GAN: variants seen among roughly 807,000 people sequenced by gnomAD.
GAN encodes the protein gigaxonin, also known as epididymis secretory sperm binding protein.
GAN carries 48 observed loss-of-function variants against 71.3 expected under a neutral mutation model. The ratio of observed to expected loss-of-function variants is 0.67; its 90% CI spans 0.53 to 0.86. The LOEUF is 0.86. Among genes scored for constraint, GAN ranks in the 40% least tolerant of loss-of-function variants. The pLI is 0.00. For missense variants in GAN, 928 were observed against 770.1 expected (o/e 1.21, Z -2.43); for synonymous variants, 386 against 276.8 (o/e 1.39, Z -3.92).
chr16:81,339,232 C>A (rs1262413863), intron 1 of GAN, among the ~76,000 whole-genome samples: 1 of 152,194 alleles, frequency 6.6e-6, no homozygotes, highest in Non-Finnish European at 1.5e-5. Flanking sequence ...TGCCAACCTT[C>A]TGAATCAGAA....
chr16:81,331,351 G>A (rs1027541675), intron 1 of GAN, among the ~76,000 whole-genome samples: 1 of 152,252 alleles, frequency 6.6e-6, no homozygotes, highest in Non-Finnish European at 1.5e-5. Flanking sequence ...GATGGGACTA[G>A]ATTGGATCCT....
rs1474236271 is a variant in GAN at position 81,379,110 on chromosome 16, T to C, written c.*1514T>C. The C allele has an allele frequency of 6.6e-6, 1 of 152,180 alleles. No individual in the cohort carries two copies. The highest frequency in any genetic ancestry group is 1.5e-5 in the Non-Finnish European group (1 of 68,038). 9.4% of individuals were successfully genotyped at this position (152,180 alleles called of 1,614,324 possible). A position where few individuals can be genotyped will look rare whatever the true frequency, so the allele number is the denominator to read the frequency against. ...TGTCTTATTAACACATGTATAAAGG[T>C]ATCCTTTGGTTTTAAGTCGAGAACA... On this transcript the variant is annotated 3_prime_UTR_variant, in exon 11 of 11. Coordinates refer to ENST00000648994, the MANE Select transcript of GAN (RefSeq NM_022041.4).
chr16:81,371,635 A>G (rs1014254481), intron 9 of GAN, among the ~76,000 whole-genome samples: 4 of 151,808 alleles, frequency 2.6e-5, no homozygotes, highest in African/African-American at 9.7e-5. Flanking sequence ...GTGCTTCTCT[A>G]CCTCTCCTCT....
chr16:81,361,200 G>A lies in GAN; in HGVS notation c.974-1299G>A, dbSNP rs111659534. ...TGATTGCACCACTGCCCTCCAGCCT[G>A]GGCGACAGAGCAAGACTGTCTTTAA... On this transcript the variant is annotated intron_variant, in intron 5 of 10. Coordinates refer to ENST00000648994, the MANE Select transcript of GAN (RefSeq NM_022041.4). 3.3e-5 allele frequency among the ~76,000 whole-genome samples: 5 copies of A among 152,144 alleles called. 1 individual carries two copies. The highest frequency in any genetic ancestry group is 1.2e-4 in the African/African-American group (5 of 41,472).
chr16:81,376,465 A>ATGTC (rs1555512671), intron 9 of GAN, among the ~76,000 whole-genome samples: 20 of 127,166 alleles, frequency 1.6e-4, no homozygotes, highest in Middle Eastern at 7.9e-3. Flanking sequence ...ATACATACAT[A>ATGTC]TGTGTGTGTG....
intron 9 of GAN, among the ~76,000 whole-genome samples, chr16:81,373,723 G>A (rs1904274511): frequency 6.6e-6 from 1 of 152,078 alleles, no homozygotes; most frequent in Non-Finnish European, 1.5e-5. Flanking sequence ...TGTTTGCTTA[G>A]ACTCCTTTAA....
At chr16:81,328,631 C>A (rs1909467862) in intron 1 of GAN, among the ~76,000 whole-genome samples, 1 of 144,850 alleles carries the variant, frequency 6.9e-6, no homozygotes. Context: ...ATATAAAGAC[C>A]CTACCAGTGT....
At chr16:81,336,831 A>C (rs1909778771) in intron 1 of GAN, among the ~76,000 whole-genome samples, 1 of 152,070 alleles carries the variant, frequency 6.6e-6, no homozygotes, top group Non-Finnish European at 1.5e-5. Flanking sequence ...GGAAAGTACA[A>C]ATATATCCCC....
intron 1 of GAN, among the ~76,000 whole-genome samples, chr16:81,319,889 A>G (rs1261133990): frequency 1.3e-5 from 2 of 152,184 alleles, no homozygotes; most frequent in Non-Finnish European, 2.9e-5. Flanking sequence ...ATGTAGCTCT[A>G]TGCTATTTTT....
intron 3 of GAN, among the ~76,000 whole-genome samples, chr16:81,356,481 T>C (rs916835118): frequency 3.3e-5 from 5 of 152,220 alleles, no homozygotes; most frequent in African/African-American, 4.8e-5. Context: ...GCTGGTTCTT[T>C]TCCTGTCTTT....
intron 5 of GAN, among the ~76,000 whole-genome samples, chr16:81,359,961 A>T (rs1910617502): frequency 6.6e-6 from 1 of 152,138 alleles, no homozygotes; most frequent in Non-Finnish European, 1.5e-5. Flanking sequence ...AGAAACCAAA[A>T]CTTCAGATAA....
At chr16:81,367,593 T>C (rs1181303442) in intron 9 of GAN, among the ~76,000 whole-genome samples, 1 of 152,234 alleles carries the variant, frequency 6.6e-6, no homozygotes, top group East Asian at 1.9e-4. Context: ...CTAAGCTCTC[T>C]GATGTTTGTA....
At chr16:81,362,655 C>A in intron 6 of GAN, 44 bp downstream of exon 6, 1 of 1,000,858 alleles carries the variant, frequency 1.0e-6, no homozygotes. Flanking sequence ...TTTCTCTTTC[C>A]CCTTAGCGCT....
rs1411549619 is a variant in GAN at position 81,378,267 on chromosome 16, GC to G, written c.*674del. The G allele has an allele frequency of 2.6e-5, 4 of 154,814 alleles. No individual in the cohort carries two copies. The highest frequency in any genetic ancestry group is 9.7e-5 in the African/African-American group (4 of 41,446). 9.6% of individuals were successfully genotyped at this position (154,814 alleles called of 1,614,324 possible). On this transcript the variant is annotated 3_prime_UTR_variant, in exon 11 of 11. Transcript: ENST00000648994. The stretch of plus-strand genomic sequence containing the variant: ...CAGTAAATTGATGAGTCAGGTTGCA[GC>G]CCTCATGTGAACTGAAAGAAGTTGC...
At chr16:81,348,535 GTGAAGA>G (rs1299873834) in intron 1 of GAN, among the ~76,000 whole-genome samples, 11 of 152,300 alleles carry the variant, frequency 7.2e-5, no homozygotes, top group African/African-American at 2.4e-4. Flanking sequence ...TTGCAAGTAT[GTGAAGA>G]TACTGATGGT....
chr16:81,355,113 G>C (rs1486910270), intron 3 of GAN, among the ~76,000 whole-genome samples: 1 of 152,174 alleles, frequency 6.6e-6, no homozygotes, highest in Non-Finnish European at 1.5e-5. Flanking sequence ...GCTAACCTCT[G>C]CCAGGCCTCA....
rs1489076555 is a variant in GAN at position 81,382,550 on chromosome 16, A to G, written c.*4954A>G. The G allele has an allele frequency of 1.3e-5, 2 of 152,248 alleles. No individual in the cohort carries two copies. Among genetic ancestry groups the G allele is most frequent in the Non-Finnish European group, 2.9e-5 (2 of 68,050 alleles). The allele number at this position is 152,248 out of a possible 1,614,324, so 9.4% of individuals were successfully genotyped here. On this transcript the variant is annotated 3_prime_UTR_variant, in exon 11 of 11. Coordinates refer to ENST00000648994, the MANE Select transcript of GAN (RefSeq NM_022041.4). ...TCCATGTAATTAGTAAGGGAAAATA[A>G]ACTATGTCTTAGAATGTTGAGGAAA...
intron 1 of GAN, among the ~76,000 whole-genome samples, chr16:81,345,185 C>T (rs1335975546): frequency 2.0e-5 from 3 of 152,172 alleles, no homozygotes; most frequent in Non-Finnish European, 4.4e-5. Flanking sequence ...TTGTGGAAGA[C>T]AGTGTGGCGA....
intron 1 of GAN, among the ~76,000 whole-genome samples, chr16:81,332,719 G>T (rs775169144): frequency 3.9e-5 from 6 of 152,168 alleles, no homozygotes; most frequent in African/African-American, 1.4e-4. Flanking sequence ...TGTCTTTCAT[G>T]ACCACAGCTC....
Sources: allele counts gnomAD v4.1 joint callset (sites outside exome capture counted in the v4.1 genomes callset), GRCh38; gene constraint gnomAD v4.1.1; transcripts MANE v1.5; gene names NCBI Gene and HGNC (gene_info 2026-07-23, HGNC 2026-07-21).